CSTPP1: variants seen among roughly 807,000 people sequenced by gnomAD.
CSTPP1 encodes the protein UPF0705 protein C11orf49.
At chr11:46,961,407 G>A in the CSTPP1 span, among the ~76,000 whole-genome samples, 3 of 151,950 alleles carry the variant, frequency 2.0e-5, no homozygotes, top group African/African-American at 7.3e-5. Flanking sequence ...CTTTTTAATT[G>A]GGTTGAGGTT....
chr11:46,950,122 C>T, the CSTPP1 span, among the ~76,000 whole-genome samples: 1 of 151,686 alleles, frequency 6.6e-6, no homozygotes, highest in African/African-American at 2.4e-5. Context: ...AACTTCATTT[C>T]CCAGATTTCA....
chr11:46,968,078 A>G, the CSTPP1 span, among the ~76,000 whole-genome samples: 1 of 150,882 alleles, frequency 6.6e-6, no homozygotes, highest in Non-Finnish European at 1.5e-5. Context: ...ACTTCTTTTC[A>G]TGCTGGCTGA....
chr11:47,006,497 C>A, the CSTPP1 span, among the ~76,000 whole-genome samples: 2 of 151,846 alleles, frequency 1.3e-5, no homozygotes, highest in Non-Finnish European at 2.9e-5. Flanking sequence ...GCTTCTTGAA[C>A]CTATAGCTTG....
chr11:47,120,465 CA>C, the CSTPP1 span, among the ~76,000 whole-genome samples: 1 of 152,170 alleles, frequency 6.6e-6, no homozygotes, highest in African/African-American at 2.4e-5. This position sits in a 1 kb window ranked among gnomAD's most constrained non-coding sequence, Gnocchi z 4.2. Context: ...TACTTCAGAG[CA>C]AAAGGCCTGA....
chr11:46,947,737 C>G, the CSTPP1 span, among the ~76,000 whole-genome samples: 1 of 152,028 alleles, frequency 6.6e-6, no homozygotes, highest in Non-Finnish European at 1.5e-5. Context: ...TATCTAGCCC[C>G]GAGATTACAG....
chr11:46,946,131 G>A, the CSTPP1 span, among the ~76,000 whole-genome samples: 2 of 152,190 alleles, frequency 1.3e-5, no homozygotes, highest in African/African-American at 4.8e-5. Flanking sequence ...CCCAACCCTT[G>A]CCTACCTCCA....
the CSTPP1 span, among the ~76,000 whole-genome samples, chr11:47,136,034 G>A: frequency 6.6e-6 from 1 of 151,766 alleles, no homozygotes; most frequent in South Asian, 2.1e-4. Flanking sequence ...ATCTTCCCAA[G>A]GATATTTTGT....
chr11:47,161,753 G>GTGAA, the CSTPP1 span: 10 of 1,448,072 alleles, frequency 6.9e-6, no homozygotes, highest in Non-Finnish European at 9.0e-6. Flanking sequence ...TGCTGACAAG[G>GTGAA]TGAATAACAG....
chr11:46,950,887 A>G, the CSTPP1 span, among the ~76,000 whole-genome samples: 1 of 152,092 alleles, frequency 6.6e-6, no homozygotes, highest in African/African-American at 2.4e-5. Context: ...TCAGCCTCCC[A>G]AAATGCTGGG....
the CSTPP1 span, among the ~76,000 whole-genome samples, chr11:46,965,009 A>T: frequency 6.6e-6 from 1 of 152,112 alleles, no homozygotes; most frequent in African/African-American, 2.4e-5. Context: ...TTGGACAGGT[A>T]ATCATGACAG....
the CSTPP1 span, chr11:47,052,648 C>G: frequency 7.8e-7 from 1 of 1,289,168 alleles, no homozygotes; most frequent in Non-Finnish European, 1.0e-6. Flanking sequence ...TCTTTTGTTC[C>G]TATAAATATT....
At chr11:46,983,067 G>A in the CSTPP1 span, among the ~76,000 whole-genome samples, 1 of 152,106 alleles carries the variant, frequency 6.6e-6, no homozygotes, top group Non-Finnish European at 1.5e-5. Context: ...TTGTTATGCT[G>A]TTTTAATCTG....
the CSTPP1 span, among the ~76,000 whole-genome samples, chr11:47,029,473 G>A: frequency 1.4e-4 from 21 of 152,096 alleles, no homozygotes; most frequent in African/African-American, 4.3e-4. Flanking sequence ...GCCGGGCATG[G>A]TGGTGGGCAC....
the CSTPP1 span, among the ~76,000 whole-genome samples, chr11:46,946,596 T>C: frequency 1.8e-4 from 28 of 152,336 alleles, no homozygotes; most frequent in Admixed American, 1.0e-3. Flanking sequence ...AGGCGGAGCT[T>C]GCAGTGAGCC....
At chr11:47,012,700 G>A in the CSTPP1 span, among the ~76,000 whole-genome samples, 1 of 151,936 alleles carries the variant, frequency 6.6e-6, no homozygotes, top group Non-Finnish European at 1.5e-5. Flanking sequence ...ATTCACGATG[G>A]GAGCCCTTTC....
At chr11:47,162,199 T>C in the CSTPP1 span, 53 of 985,444 alleles carry the variant, frequency 5.4e-5, no homozygotes, top group Non-Finnish European at 6.1e-5. Flanking sequence ...TTGTGTCTAA[T>C]AGCTAAACAA....
At chr11:47,074,508 A>AC in the CSTPP1 span, among the ~76,000 whole-genome samples, 6 of 45,240 alleles carry the variant, frequency 1.3e-4, no homozygotes, top group African/African-American at 3.7e-4. Flanking sequence ...TCAGAAAAAA[A>AC]AAAAAAAAAA....
At chr11:47,112,570 C>G in the CSTPP1 span, among the ~76,000 whole-genome samples, 4 of 152,186 alleles carry the variant, frequency 2.6e-5, no homozygotes. Context: ...GATCCGCCTG[C>G]CTTGGCCTCC....
At chr11:47,055,124 G>C in the CSTPP1 span, among the ~76,000 whole-genome samples, 1 of 151,436 alleles carries the variant, frequency 6.6e-6, no homozygotes, top group Non-Finnish European at 1.5e-5. Flanking sequence ...ATAGAGTTGG[G>C]GTTTCGCTAT....
Sources: gnomAD v4.1 joint callset for allele counts (sites outside exome capture counted in the v4.1 genomes callset) on GRCh38, gnomAD v4.1.1 for gene constraint, Gnocchi (gnomAD v3.1) non-coding constraint, MANE v1.5 for transcripts, NCBI Gene and HGNC (gene_info 2026-07-23, HGNC 2026-07-21) for gene names.